SDK1: variants seen among roughly 807,000 people sequenced by gnomAD.
The protein encoded by SDK1 is sidekick cell adhesion molecule 1.
SDK1 carries 157 observed loss-of-function variants against 245.5 expected under a neutral mutation model. The observed-to-expected ratio is 0.64, with a 90% confidence interval of 0.56 to 0.73. The LOEUF is 0.73. Ranked by LOEUF, SDK1 falls within the 30% of genes least tolerant of loss-of-function variation. The probability of loss-of-function intolerance (pLI) is 0.00; values close to 1 mark genes in which losing one functional copy is unlikely to be tolerated. For missense variants in SDK1, 3,583 were observed against 3,002.3 expected (o/e 1.19, Z -4.52); for synonymous variants, 1,647 against 1,278.5 (o/e 1.29, Z -6.15).
chr7:3,503,342 C>T (rs541837210), intron 1 of SDK1, among the ~76,000 whole-genome samples: 1 of 152,114 alleles, frequency 6.6e-6, no homozygotes, highest in African/African-American at 2.4e-5. Context: ...ATGATTGAAT[C>T]TTGTCAGACA....
intron 35 of SDK1, among the ~76,000 whole-genome samples, chr7:4,183,251 A>G (rs1268383468): frequency 6.6e-6 from 1 of 152,198 alleles, no homozygotes; most frequent in East Asian, 1.9e-4. Flanking sequence ...TGTAGTTTCT[A>G]TAATAGTGAT....
intron 1 of SDK1, among the ~76,000 whole-genome samples, chr7:3,404,332 T>A (rs940999816): frequency 1.3e-5 from 2 of 152,216 alleles, no homozygotes; most frequent in South Asian, 4.1e-4. Context: ...CTGCAAACAG[T>A]AGATTTCTTC....
chr7:3,672,764 T>TATACATATATAC (rs1282047721), intron 4 of SDK1, among the ~76,000 whole-genome samples: 1 of 68,864 alleles, frequency 1.5e-5, no homozygotes, highest in Non-Finnish European at 2.8e-5. Flanking sequence ...TAATTTTATA[T>TATACATATATAC]ATATATATAT....
At chr7:3,597,018 C>A (rs994814219) in intron 1 of SDK1, among the ~76,000 whole-genome samples, 2 of 152,074 alleles carry the variant, frequency 1.3e-5, no homozygotes, top group Non-Finnish European at 2.9e-5. Flanking sequence ...CACCTGTAAC[C>A]CCAGCACTTT....
intron 14 of SDK1, among the ~76,000 whole-genome samples, chr7:3,997,301 G>A (rs1264330665): frequency 6.6e-6 from 1 of 152,174 alleles, no homozygotes; most frequent in Non-Finnish European, 1.5e-5. Context: ...GCTTTATTGA[G>A]TGTCCGGACA....
intron 1 of SDK1, among the ~76,000 whole-genome samples, chr7:3,526,255 C>A (rs1168242394): frequency 1.3e-5 from 2 of 151,832 alleles, no homozygotes; most frequent in Admixed American, 1.3e-4. Flanking sequence ...AAAAAAATCA[C>A]ACTGTGACCT....
At chr7:3,524,134 A>G (rs1783037640) in intron 1 of SDK1, among the ~76,000 whole-genome samples, 1 of 152,208 alleles carries the variant, frequency 6.6e-6, no homozygotes, top group Admixed American at 6.5e-5. Context: ...AACTAAGTGG[A>G]TATGTGGGGC....
chr7:4,185,369 A>G (rs1782827325), intron 35 of SDK1, among the ~76,000 whole-genome samples: 2 of 151,924 alleles, frequency 1.3e-5, no homozygotes, highest in South Asian at 2.1e-4. Flanking sequence ...CCTTCAAGAC[A>G]CTCACTATTC....
chr7:3,614,602 C>T (rs576054913), intron 1 of SDK1, among the ~76,000 whole-genome samples: 1 of 152,330 alleles, frequency 6.6e-6, no homozygotes, highest in Middle Eastern at 3.4e-3. Context: ...ATCCTTCTTT[C>T]TCCCTTTCTG....
chr7:3,888,314 T>TCCCACAGTCTGG (rs1226114552), intron 5 of SDK1, among the ~76,000 whole-genome samples: 3 of 152,144 alleles, frequency 2.0e-5, no homozygotes, highest in South Asian at 2.1e-4. Flanking sequence ...TATTGTCCCA[T>TCCCACAGTCTGG]CCCACAGTCT....
At chr7:3,677,016 ATT>A (rs1259498317) in intron 4 of SDK1, among the ~76,000 whole-genome samples, 1 of 152,178 alleles carries the variant, frequency 6.6e-6, no homozygotes, top group Non-Finnish European at 1.5e-5. Context: ...CATACCAAGG[ATT>A]CCTGCACCTC....
intron 4 of SDK1, among the ~76,000 whole-genome samples, chr7:3,709,820 C>G (rs1325328351): frequency 6.6e-6 from 1 of 152,132 alleles, no homozygotes; most frequent in Admixed American, 6.5e-5. Flanking sequence ...CTTGGCCCAC[C>G]AAAGGGTAGA....
At chr7:3,468,207 A>G (rs1781069900) in intron 1 of SDK1, among the ~76,000 whole-genome samples, 1 of 152,184 alleles carries the variant, frequency 6.6e-6, no homozygotes, top group African/African-American at 2.4e-5. Flanking sequence ...TAACTGTATA[A>G]TATTTTCTTT....
intron 1 of SDK1, among the ~76,000 whole-genome samples, chr7:3,378,141 A>T (rs180699632): frequency 7.9e-5 from 12 of 152,232 alleles, no homozygotes; most frequent in African/African-American, 2.6e-4. Flanking sequence ...GTTGGCTCTG[A>T]GCTTCTCTTG....
Position 4,067,840 on chromosome 7 carries a change from C to G in SDK1, c.2914C>G (p.Pro972Ala). 2 of 1,611,414 alleles carry G rather than the reference C, an allele frequency of 1.2e-6. No individual in the cohort carries two copies. Among genetic ancestry groups the G allele is most frequent in the Non-Finnish European group, 1.7e-6 (2 of 1,178,566 alleles). Residue 972 changes from proline (P) to alanine (A), a missense_variant and splice_region_variant, in exon 20 of 45, where the codon CCA becomes GCA. Transcript: ENST00000404826. ...PQLVWTQEDK[P>A]GAVGHLSFTE... ...ATGACTTTGCTTTTAATTGGTAGAA[C>G]CAGGAGCTGTGGGACATCTGAGTTT...
At chr7:3,553,113 A>G (rs555531308) in intron 1 of SDK1, among the ~76,000 whole-genome samples, 244 of 152,214 alleles carry the variant, frequency 1.6e-3, no homozygotes, top group Admixed American at 2.6e-3. Flanking sequence ...GGTCTTTCCT[A>G]TTCATATATT....
chr7:3,579,796 GA>G (rs1405305130), intron 1 of SDK1, among the ~76,000 whole-genome samples: 1 of 152,196 alleles, frequency 6.6e-6, no homozygotes, highest in African/African-American at 2.4e-5. Context: ...GGCATCCAAA[GA>G]GAGAGGAAGT....
intron 1 of SDK1, among the ~76,000 whole-genome samples, chr7:3,556,666 C>T (rs898081692): frequency 6.6e-6 from 1 of 151,778 alleles, no homozygotes; most frequent in African/African-American, 2.4e-5. Flanking sequence ...ACTAAAAATA[C>T]AAAAATTAAG....
At chr7:3,704,217 T>A (rs1583323818) in intron 4 of SDK1, among the ~76,000 whole-genome samples, 1 of 152,146 alleles carries the variant, frequency 6.6e-6, no homozygotes, top group African/African-American at 2.4e-5. Context: ...CCAAAGACGT[T>A]ATTTTGTTCT....
Sources: gnomAD v4.1 joint callset for allele counts (sites outside exome capture counted in the v4.1 genomes callset) on GRCh38, gnomAD v4.1.1 for gene constraint, MANE v1.5 for transcripts, NCBI Gene and HGNC (gene_info 2026-07-23, HGNC 2026-07-21) for gene names.